Variants in MAP3K9 observed in about 807,000 individuals in gnomAD.
The protein encoded by MAP3K9 is mitogen-activated protein kinase kinase kinase 9.
MAP3K9 carries 46 observed loss-of-function variants against 95.8 expected under a neutral mutation model. The observed-to-expected ratio is 0.48, with a 90% CI of 0.38 to 0.61. The LOEUF (loss-of-function observed/expected upper bound fraction) is 0.61. MAP3K9 is among the 20% of genes least tolerant of loss of function. The pLI is 0.00. For missense variants in MAP3K9, 1,296 were observed against 1,474.3 expected, an observed-to-expected ratio of 0.88 and a Z score of 1.98; for synonymous variants, 533 against 593.8, an observed-to-expected ratio of 0.90 and a Z score of 1.49.
intron 2 of MAP3K9, among the ~76,000 whole-genome samples, chr14:70,765,280 C>T (rs1295864905): frequency 6.6e-6 from 1 of 152,078 alleles, no homozygotes; most frequent in Non-Finnish European, 1.5e-5. Flanking sequence ...CAGTGAGCCA[C>T]GATTGCACCA....
Position 70,809,326 on chromosome 14 carries a change from C to T in MAP3K9, c.-155G>A. On this transcript the variant is annotated 5_prime_UTR_variant, in exon 1 of 12. Coordinates refer to ENST00000554752, the MANE Select transcript of MAP3K9 (RefSeq NM_001284230.2). ...TGGCAGGGCTGGGAGAGCCGGCTCG[C>T]CGGCGCTGTTACCGCGGTACGAGAA... The T allele has an allele frequency of 2.0e-6, 2 of 993,820 alleles. No homozygotes were observed. The highest frequency in any genetic ancestry group is 2.6e-6 in the Non-Finnish European group (2 of 770,442). The allele number at this position is 993,820 out of a possible 1,614,324, so 61.6% of individuals were successfully genotyped here.
At chr14:70,743,449 A>C (rs2054103793) in intron 5 of MAP3K9, among the ~76,000 whole-genome samples, 2 of 152,156 alleles carry the variant, frequency 1.3e-5, no homozygotes, top group Admixed American at 6.5e-5. Context: ...AAAACTTTGC[A>C]ATCTATCCAT....
rs1427780034 is a variant in MAP3K9, at chr14:70,736,004, T to C, written c.1870A>G (p.Asn624Asp). 4.3e-6 allele frequency: 7 copies of C among 1,613,334 alleles called. No individual in the cohort carries two copies. The highest frequency in any genetic ancestry group is 2.7e-5 in the African/African-American group (2 of 74,874). The change falls in exon 9 of 12, where the codon AAT becomes GAT. Residue 624 changes from asparagine (N) to aspartate (D), a missense_variant. Asn to Asp is a conservative substitution (Grantham distance 23). Transcript: ENST00000554752. ...GATTCTGATGGGGTACTTAAACCAT[T>C]AGCTTTCTCACGTCTCTGAGGGGAT... ...EGSPQRREKANGLSTPSESPH... is the reference protein window; with the variant it reads ...EGSPQRREKADGLSTPSESPH...
rs2053942264 is a variant in MAP3K9 at position 70,733,482 on chromosome 14, C to T, written c.2027-140G>A. On this transcript the variant is annotated intron_variant, in intron 10 of 11. Transcript: ENST00000554752. ...AGGTTCAATGGTGTGATGAGCAGGA[C>T]ATGGAATTGAACACTGAACCAAGGG... 9.9e-6 allele frequency: 6 copies of T among 605,722 alleles called. No individual in the cohort carries two copies. In the South Asian group the frequency reaches 1.2e-4, roughly 12 times the overall value. 37.5% of individuals were successfully genotyped at this position (605,722 alleles called of 1,614,324 possible).
rs780374496 is a variant in MAP3K9 at position 70,730,417 on chromosome 14, G to A, written c.3278C>T (p.Pro1093Leu). 6.2e-7 allele frequency: 1 copy of A among 1,614,026 alleles called. No homozygotes were observed. Among genetic ancestry groups the A allele is most frequent in the South Asian group, 1.1e-5 (1 of 91,070 alleles). ...LCRAELNTHRPAPYEIQQEFW... is the reference protein window; with the variant it reads ...LCRAELNTHRLAPYEIQQEFW... ...CTCCTGCTGGATCTCATAAGGGGCA[G>A]GCCTGTGTGTGTTCAGTTCCGCTCT... Residue 1093 changes from proline to leucine, a missense_variant, in exon 12 of 12, where the codon CCT becomes CTT. Coordinates refer to ENST00000554752, the MANE Select transcript of MAP3K9 (RefSeq NM_001284230.2).
At chr14:70,806,326 A>G (rs953298070) in intron 1 of MAP3K9, among the ~76,000 whole-genome samples, 1 of 152,180 alleles carries the variant, frequency 6.6e-6, no homozygotes, top group African/African-American at 2.4e-5. Context: ...TGATCTTATC[A>G]CTTCTTTATG....
chr14:70,746,773 C>T (rs1386496025), intron 5 of MAP3K9, among the ~76,000 whole-genome samples: 1 of 152,192 alleles, frequency 6.6e-6, no homozygotes, highest in African/African-American at 2.4e-5. Flanking sequence ...AGTTTGACTT[C>T]CTAGTAACTA....
At chr14:70,766,048 G>A (rs1049167613) in intron 2 of MAP3K9, among the ~76,000 whole-genome samples, 2 of 152,004 alleles carry the variant, frequency 1.3e-5, no homozygotes, top group Admixed American at 6.6e-5. Context: ...CAGATGTAGG[G>A]GCCTGATGGA....
At position 70,740,127 on chromosome 14, in the gene MAP3K9, G is replaced by A. The variant is rs1436457365; in HGVS notation, c.1605C>T (p.Thr535=). Residue 535 remains threonine, a synonymous_variant, in exon 7 of 12, where the codon ACC becomes ACT. Transcript: ENST00000554752. ...QHKFTVQASP[T]MDKRKSLINS... ...TGATAAGACTCTTCCTTTTATCCATGGTAGGGGAGGCCTGCACCGTGAACT... is the reference window on the plus strand; with the variant it reads ...TGATAAGACTCTTCCTTTTATCCATAGTAGGGGAGGCCTGCACCGTGAACT... 2 of 1,614,058 alleles carry A rather than the reference G, an allele frequency of 1.2e-6. No individual in the cohort carries two copies. Among genetic ancestry groups the A allele is most frequent in the African/African-American group, 1.3e-5 (1 of 74,918 alleles).
At chr14:70,762,726 C>T (rs1042840043) in intron 2 of MAP3K9, among the ~76,000 whole-genome samples, 2 of 152,192 alleles carry the variant, frequency 1.3e-5, no homozygotes, top group Non-Finnish European at 2.9e-5. Flanking sequence ...ACTTTTGATA[C>T]ACCAAAGTTT....
At chr14:70,744,402 A>AAG (rs1170843212) in intron 5 of MAP3K9, among the ~76,000 whole-genome samples, 2 of 152,196 alleles carry the variant, frequency 1.3e-5, no homozygotes. Flanking sequence ...AACTTAATCC[A>AAG]GCTTAAAATG....
Position 70,732,855 on chromosome 14 carries a change from G to T in MAP3K9, c.2514C>A (p.Ser838=). The T allele has an allele frequency of 6.2e-7, 1 of 1,613,942 alleles. No individual in the cohort carries two copies. Among genetic ancestry groups the T allele is most frequent in the Non-Finnish European group, 8.5e-7 (1 of 1,179,888 alleles). ...GTGTGGAGTTGCACTCGGAGATGGA[G>T]GAGAGGGAGAGCAGCGTCAGGGAGG... ...PSASLTLLSL[S]SISECNSTRS... is the part of the protein sequence containing the mutation. The change falls in exon 11 of 12, where the codon TCC becomes TCA. Residue 838 remains serine (S), a synonymous_variant. Coordinates refer to ENST00000554752, the MANE Select transcript of MAP3K9 (RefSeq NM_001284230.2).
chr14:70,778,642 A>G (rs921063174), intron 2 of MAP3K9, among the ~76,000 whole-genome samples: 2 of 152,192 alleles, frequency 1.3e-5, no homozygotes, highest in African/African-American at 4.8e-5. Context: ...GCTAGCATTT[A>G]CTGAGCACTT....
At chr14:70,746,274 G>A (rs534694768) in intron 5 of MAP3K9, among the ~76,000 whole-genome samples, 1 of 152,154 alleles carries the variant, frequency 6.6e-6, no homozygotes, top group Non-Finnish European at 1.5e-5. Flanking sequence ...AGAAACAGTA[G>A]GTTGATCCAA....
intron 2 of MAP3K9, among the ~76,000 whole-genome samples, chr14:70,762,405 T>C (rs1014359437): frequency 2.1e-4 from 32 of 152,206 alleles, no homozygotes; most frequent in Non-Finnish European, 4.4e-4. Flanking sequence ...ATACTTGTTA[T>C]TTTCCTTATT....
chr14:70,807,630 C>T (rs1365159419), intron 1 of MAP3K9, among the ~76,000 whole-genome samples: 2 of 151,970 alleles, frequency 1.3e-5, no homozygotes, highest in East Asian at 1.9e-4. Context: ...TTTAAAAAAT[C>T]AACTAAGATG....
At chr14:70,807,311 T>C (rs1483039324) in intron 1 of MAP3K9, among the ~76,000 whole-genome samples, 1 of 152,144 alleles carries the variant, frequency 6.6e-6, no homozygotes, top group Non-Finnish European at 1.5e-5. Context: ...GCCAATATGG[T>C]GAACCTCATC....
intron 1 of MAP3K9, among the ~76,000 whole-genome samples, chr14:70,805,620 T>C (rs973278950): frequency 4.6e-5 from 7 of 152,252 alleles, no homozygotes; most frequent in Non-Finnish European, 1.0e-4. Context: ...TCCCCTTCTG[T>C]TTTGAATAAA....
intron 6 of MAP3K9, among the ~76,000 whole-genome samples, chr14:70,741,218 G>A (rs985581508): frequency 6.6e-6 from 1 of 152,142 alleles, no homozygotes; most frequent in African/African-American, 2.4e-5. Context: ...AGCCTCTTGA[G>A]TAGCTGGGAT....
Sources: allele counts gnomAD v4.1 joint callset (sites outside exome capture counted in the v4.1 genomes callset), GRCh38; gene constraint gnomAD v4.1.1; transcripts MANE v1.5; gene names NCBI Gene and HGNC (gene_info 2026-07-23, HGNC 2026-07-21).